TMEM164: variants seen among roughly 807,000 people sequenced by gnomAD.
The protein encoded by TMEM164 is RP13-360B22.2.
In TMEM164, 4 loss-of-function variants were observed where a neutral mutation model predicts 18.8. The observed-to-expected ratio is 0.21, with a 90% CI of 0.10 to 0.49. The LOEUF is 0.49. Ranked by LOEUF, TMEM164 falls within the 20% of genes least tolerant of loss-of-function variation. The pLI is 0.98. For synonymous variants in TMEM164, 86 were observed against 101.7 expected (o/e 0.85, Z 0.93); for missense variants, 108 against 239.9 (o/e 0.45, Z 3.63).
intron 4 of TMEM164, among the ~76,000 whole-genome samples, chrX:110,140,338 G>GTAAGGTTA (rs1381287365): frequency 8.9e-6 from 1 of 111,748 alleles, no homozygotes; most frequent in Non-Finnish European, 1.9e-5. Context: ...GCCCAGTTGT[G>GTAAGGTTA]TAAGGTTATA....
chrX:110,145,980 G>A (rs1213614684), intron 5 of TMEM164, among the ~76,000 whole-genome samples: 2 of 111,616 alleles, frequency 1.8e-5, no homozygotes, highest in Admixed American at 1.9e-4. Flanking sequence ...TACCCTGTGC[G>A]GCCACTTGGG....
intron 5 of TMEM164, among the ~76,000 whole-genome samples, chrX:110,163,928 T>G (rs1257769779): frequency 8.9e-6 from 1 of 112,158 alleles, no homozygotes; most frequent in South Asian, 3.7e-4. Context: ...TATGGAAGTT[T>G]TTGTCTGATT....
intron 5 of TMEM164, among the ~76,000 whole-genome samples, chrX:110,155,573 G>T (rs1321904517): frequency 1.8e-5 from 2 of 110,134 alleles, no homozygotes; most frequent in East Asian, 2.9e-4. Context: ...TGCAAATTTG[G>T]CCCTTCCTCC....
chrX:110,149,388 G>A (rs1031182897), intron 5 of TMEM164, among the ~76,000 whole-genome samples: 2 of 111,548 alleles, frequency 1.8e-5, no homozygotes, highest in South Asian at 3.8e-4. Flanking sequence ...CACCAGCAAC[G>A]TCTGTCTGAC....
At chrX:110,017,399 C>CTCCT (rs1377920557) in intron 2 of TMEM164, among the ~76,000 whole-genome samples, 7 of 42,063 alleles carry the variant, frequency 1.7e-4, no homozygotes, top group African/African-American at 4.6e-4. Flanking sequence ...TGCAGGCCAC[C>CTCCT]TCCTTCCTTT....
intron 5 of TMEM164, among the ~76,000 whole-genome samples, chrX:110,164,505 A>G (rs762130609): frequency 1.8e-5 from 2 of 111,289 alleles, no homozygotes; most frequent in East Asian, 5.6e-4. Flanking sequence ...ACAGATATAC[A>G]TAATTATAAG....
chrX:110,140,348 A>G (rs1164944024), intron 4 of TMEM164, among the ~76,000 whole-genome samples: 2 of 111,833 alleles, frequency 1.8e-5, no homozygotes, highest in Non-Finnish European at 3.8e-5. Flanking sequence ...GTAAGGTTAT[A>G]TGAGAAGAAA....
Position 110,067,154 on chromosome X carries a change from G to GCACACA in TMEM164, c.391-173_391-168dup, listed in dbSNP as rs56336159. Among the ~76,000 whole-genome samples, 542 of 101,630 alleles carry GCACACA rather than the reference G, an allele frequency of 5.3e-3. 6 individuals are homozygous for GCACACA. The highest frequency in any genetic ancestry group is 0.018 in the African/African-American group (505 of 27,871). 88.3% of individuals were successfully genotyped at this position (101,630 alleles called of 115,157 possible). On this transcript the variant is annotated intron_variant, in intron 2 of 6. Coordinates refer to ENST00000372068, the MANE Select transcript of TMEM164 (RefSeq NM_032227.4). Reference sequence around the variant, plus strand: ...CTCCTTCTCCCTTTCTCATGTGTGCGCACACACACACACACACACACACAC... The same window carrying GCACACA: ...CTCCTTCTCCCTTTCTCATGTGTGCGCACACACACACACACACACACACACACACAC...
At chrX:110,159,588 T>C (rs1190620662) in intron 5 of TMEM164, among the ~76,000 whole-genome samples, 4 of 110,217 alleles carry the variant, frequency 3.6e-5, no homozygotes, top group Non-Finnish European at 7.6e-5. Flanking sequence ...CAGAATGCCA[T>C]CAGGAAAAGG....
intron 6 of TMEM164, among the ~76,000 whole-genome samples, chrX:110,172,756 C>A (rs1487281139): frequency 8.9e-6 from 1 of 112,120 alleles, no homozygotes; most frequent in Non-Finnish European, 1.9e-5. Flanking sequence ...ATGAAATCTT[C>A]TCTGAGGACT....
intron 2 of TMEM164, among the ~76,000 whole-genome samples, chrX:110,034,332 C>A (rs1333912061): frequency 8.9e-6 from 1 of 112,099 alleles, no homozygotes; most frequent in Non-Finnish European, 1.9e-5. Context: ...TGGAAATAGA[C>A]CTCTTAGAAA....
chrX:110,171,878 C>G (rs995969250), intron 6 of TMEM164, among the ~76,000 whole-genome samples: 1 of 112,150 alleles, frequency 8.9e-6, no homozygotes, highest in African/African-American at 3.2e-5. Flanking sequence ...GTCTTCTGAC[C>G]TTGGGTCCAT....
At chrX:110,170,135 C>T (rs2067211077) in intron 5 of TMEM164, among the ~76,000 whole-genome samples, 1 of 112,544 alleles carries the variant, frequency 8.9e-6, no homozygotes, top group African/African-American at 3.2e-5. Context: ...TGAATTGCCC[C>T]ACTCTTGTCT....
intron 2 of TMEM164, among the ~76,000 whole-genome samples, chrX:110,030,743 G>A (rs1256515226): frequency 1.9e-5 from 2 of 104,208 alleles, no homozygotes; most frequent in African/African-American, 3.5e-5. Flanking sequence ...CCCAGGGGAC[G>A]GAGGTTGCAG....
At chrX:110,033,891 A>T (rs1450038265) in intron 2 of TMEM164, among the ~76,000 whole-genome samples, 1 of 111,985 alleles carries the variant, frequency 8.9e-6, no homozygotes, top group Non-Finnish European at 1.9e-5. Context: ...TGACTCCAAG[A>T]GGACAGGAAT....
At chrX:110,148,801 C>G (rs778756170) in intron 5 of TMEM164, among the ~76,000 whole-genome samples, 4 of 106,825 alleles carry the variant, frequency 3.7e-5, no homozygotes, top group Non-Finnish European at 7.7e-5. Flanking sequence ...GTTGGGATTA[C>G]AGGCATGAGC....
Position 110,108,722 on chromosome X carries a change from C to T in TMEM164, c.441-358C>T, listed in dbSNP as rs189494100. On this transcript the variant is annotated intron_variant, in intron 3 of 6. Coordinates refer to ENST00000372068, the MANE Select transcript of TMEM164 (RefSeq NM_032227.4). ...TACTGTAATAACAGAACACTTACCT[C>T]CCGCAGTTCCCCTTTTCTAATGCCG... is the stretch of plus-strand genomic sequence containing the variant. Among the ~76,000 whole-genome samples, 29 of 111,943 alleles carry T rather than the reference C, an allele frequency of 2.6e-4. No homozygotes were observed. In the East Asian group the frequency reaches 6.7e-3, roughly 26 times the overall value.
At position 110,173,468 on chromosome X, in the gene TMEM164, T is replaced by C. The variant is rs1192722973; in HGVS notation, c.*17T>C. On this transcript the variant is annotated 3_prime_UTR_variant, in exon 7 of 7. Coordinates refer to ENST00000372068, the MANE Select transcript of TMEM164 (RefSeq NM_032227.4). ...ATAGACTGAAGGTGCTTATTTTTTT[T>C]TTTTTTCCTCCCTGAGGAAGCAAGT... is the stretch of plus-strand genomic sequence containing the variant. The C allele has an allele frequency of 1.7e-6, 2 of 1,188,428 alleles. No homozygotes were observed. The highest frequency in any genetic ancestry group is 3.0e-5 in the East Asian group (1 of 33,684).
In TMEM164 at chrX:110,168,841, G is replaced by A. The variant is rs749841265; in HGVS notation, c.587-2579G>A. 4.2e-3 allele frequency among the ~76,000 whole-genome samples: 471 copies of A among 112,259 alleles called. 6 individuals are homozygous for A. Among genetic ancestry groups the A allele is most frequent in the African/African-American group, 0.015 (458 of 30,889 alleles). On this transcript the variant is annotated intron_variant, in intron 5 of 6. Transcript: ENST00000372068. ...TGATGACACCTACATCTCCATGCTC[G>A]CCCCCATCCTCTCCACTGAGTTTGT...
Sources: allele counts gnomAD v4.1 joint callset (sites outside exome capture counted in the v4.1 genomes callset), GRCh38; gene constraint gnomAD v4.1.1; transcripts MANE v1.5; gene names NCBI Gene and HGNC (gene_info 2026-07-23, HGNC 2026-07-21).